Variants in HDAC9 observed in about 807,000 individuals in gnomAD.
HDAC9 encodes the protein MEF-2 interacting transcription repressor (MITR) protein.
A neutral mutation model predicts 139.4 loss-of-function variants in HDAC9; 41 were observed. The ratio of observed to expected loss-of-function variants is 0.29; its 90% confidence interval spans 0.23 to 0.38. The LOEUF is 0.38. Ranked by LOEUF, HDAC9 falls within the 10% of genes least tolerant of loss-of-function variation. The pLI is 1.00. For missense variants in HDAC9, 1,147 were observed against 1,297.0 expected (o/e 0.88, Z 1.78); for synonymous variants, 517 against 476.2 (o/e 1.09, Z -1.12).
intron 2 of HDAC9, among the ~76,000 whole-genome samples, chr7:18,545,938 A>G (rs536622030): frequency 1.3e-5 from 2 of 152,222 alleles, no homozygotes; most frequent in Non-Finnish European, 2.9e-5. Flanking sequence ...GAATCTCTAG[A>G]CTAAAATTTC....
intron 2 of HDAC9, among the ~76,000 whole-genome samples, chr7:18,209,859 C>T (rs938815035): frequency 3.3e-5 from 5 of 152,038 alleles, no homozygotes; most frequent in Admixed American, 1.3e-4. Context: ...CGCCACCACG[C>T]CTGGCTAATT....
At chr7:18,595,422 T>C (rs1391088699) in intron 6 of HDAC9, among the ~76,000 whole-genome samples, 1 of 151,906 alleles carries the variant, frequency 6.6e-6, no homozygotes, top group Non-Finnish European at 1.5e-5. Flanking sequence ...AAAACATGAG[T>C]ATAGTTTATG....
chr7:18,764,502 A>G (rs984508445), intron 15 of HDAC9, among the ~76,000 whole-genome samples: 1 of 152,256 alleles, frequency 6.6e-6, no homozygotes, highest in African/African-American at 2.4e-5. Context: ...TGTATCCAAA[A>G]GTTTAGCTAA....
At chr7:18,840,663 T>C (rs1055857414) in intron 21 of HDAC9, among the ~76,000 whole-genome samples, 10 of 152,250 alleles carry the variant, frequency 6.6e-5, no homozygotes, top group East Asian at 1.9e-4. Context: ...TTTTGCTATA[T>C]AGTCAAAGCC....
intron 24 of HDAC9, among the ~76,000 whole-genome samples, chr7:18,971,525 G>C (rs1057429793): frequency 6.6e-6 from 1 of 152,112 alleles, no homozygotes; most frequent in Non-Finnish European, 1.5e-5. Context: ...TTCTGTAATG[G>C]AAGAAAAGAC....
intron 19 of HDAC9, among the ~76,000 whole-genome samples, chr7:18,834,817 A>C (rs1403573583): frequency 6.6e-6 from 1 of 152,192 alleles, no homozygotes. Context: ...GGGATTGCTA[A>C]CTGAACTGAA....
chr7:18,950,342 G>T (rs888071326), intron 23 of HDAC9, among the ~76,000 whole-genome samples: 3 of 151,994 alleles, frequency 2.0e-5, no homozygotes, highest in Admixed American at 6.6e-5. Flanking sequence ...GAAAATAATT[G>T]TGTGGAAATT....
At chr7:18,177,944 A>T (rs910552509) in intron 2 of HDAC9, among the ~76,000 whole-genome samples, 1 of 151,942 alleles carries the variant, frequency 6.6e-6, no homozygotes, top group Non-Finnish European at 1.5e-5. Context: ...AAACTGTTTC[A>T]TATGTGTCAT....
chr7:18,388,644 C>A (rs1381909396), intron 1 of HDAC9, among the ~76,000 whole-genome samples: 1 of 152,106 alleles, frequency 6.6e-6, no homozygotes, highest in African/African-American at 2.4e-5. Context: ...TAACTCTGCT[C>A]TTTTTCTTTC....
intron 1 of HDAC9, among the ~76,000 whole-genome samples, chr7:18,149,830 A>AG (rs1786635015): frequency 1.3e-5 from 2 of 152,152 alleles, no homozygotes; most frequent in South Asian, 4.1e-4. Context: ...CTGGGATTAC[A>AG]GGCATAAGCC....
chr7:18,598,719 T>C (rs1247595678), intron 6 of HDAC9, among the ~76,000 whole-genome samples: 2 of 152,234 alleles, frequency 1.3e-5, no homozygotes, highest in Admixed American at 1.3e-4. Flanking sequence ...TAGAAGGTCT[T>C]TTTAATGTCT....
chr7:18,736,629 G>A (rs543283558), intron 13 of HDAC9, among the ~76,000 whole-genome samples: 3 of 152,230 alleles, frequency 2.0e-5, no homozygotes, highest in African/African-American at 7.2e-5. Context: ...TGCTGGATTC[G>A]GTTTGCCAGG....
rs373079231 is a variant in HDAC9 at position 18,536,829 on chromosome 7, G to A, written c.22+40505G>A. ...AAATTCAAGAGAATATACTAGGGAG[G>A]GTATTAAATAAGTTAGTTATAGTTA... On this transcript the variant is annotated intron_variant, in intron 2 of 25. Transcript: ENST00000686413. Among the ~76,000 whole-genome samples, 12 of 152,124 alleles carry A rather than the reference G, an allele frequency of 7.9e-5. No homozygotes were observed. The East Asian group carries it at 1.2e-3, about 15-fold the overall frequency.
At chr7:18,549,671 C>T (rs551477864) in intron 2 of HDAC9, among the ~76,000 whole-genome samples, 2 of 152,014 alleles carry the variant, frequency 1.3e-5, no homozygotes, top group South Asian at 2.1e-4. Flanking sequence ...CTAGGTGAAG[C>T]TTTCACAGGA....
intron 2 of HDAC9, among the ~76,000 whole-genome samples, chr7:18,215,042 A>G (rs1792202293): frequency 6.6e-6 from 1 of 152,182 alleles, no homozygotes; most frequent in Non-Finnish European, 1.5e-5. Context: ...GCTGTTTGTT[A>G]GCAAAGAGTT....
At chr7:18,353,820 T>C (rs1306393838) in intron 1 of HDAC9, among the ~76,000 whole-genome samples, 2 of 152,164 alleles carry the variant, frequency 1.3e-5, no homozygotes, top group South Asian at 2.1e-4. Flanking sequence ...ACTCCTAGCA[T>C]TGGATTACCA....
chr7:18,957,144 G>A (rs1176387573), intron 24 of HDAC9, among the ~76,000 whole-genome samples: 1 of 152,154 alleles, frequency 6.6e-6, no homozygotes, highest in East Asian at 1.9e-4. Flanking sequence ...GAAAACACAA[G>A]ATCGGAAAGC....
chr7:18,666,145 A>T, intron 11 of HDAC9, 68 bp from the exon 12 acceptor site: 1 of 1,442,868 alleles, frequency 6.9e-7, no homozygotes, highest in Non-Finnish European at 9.4e-7. Context: ...TAGAAATCAA[A>T]GTGTAATTTG....
In HDAC9 at chr7:18,257,405, A is replaced by ACACG. The variant is rs761057695; in HGVS notation, c.25+95059_25+95060insGCAC. ...CTCTCTCTCTCTCTGTCTCTCCCAC[A>ACACG]CACACACACACACACACACACACAC... On this transcript the variant is annotated intron_variant, in intron 2 of 12. Transcript: ENST00000417496. 4.8e-3 allele frequency among the ~76,000 whole-genome samples: 679 copies of ACACG among 140,836 alleles called. 3 individuals carry two copies. Among genetic ancestry groups the ACACG allele is most frequent in the Non-Finnish European group, 8.2e-3 (543 of 65,942 alleles). The allele number at this position is 140,836 out of a possible 152,430, so 92.4% of individuals were successfully genotyped here.
Sources: allele counts gnomAD v4.1 joint callset (sites outside exome capture counted in the v4.1 genomes callset), GRCh38; gene constraint gnomAD v4.1.1; transcripts MANE v1.5; gene names NCBI Gene and HGNC (gene_info 2026-07-23, HGNC 2026-07-21).